MPP7: variants seen among roughly 807,000 people sequenced by gnomAD.
MPP7 encodes the protein MAGUK p55 subfamily member 7.
In MPP7, 60 loss-of-function variants were observed where a neutral mutation model predicts 76.5. The ratio of observed to expected loss-of-function variants is 0.78; its 90% CI spans 0.64 to 0.97. The LOEUF is 0.97. Ranked by LOEUF, MPP7 falls within the 50% of genes least tolerant of loss-of-function variation. The pLI, the probability that MPP7 is intolerant of heterozygous loss-of-function variation, is 0.00. For synonymous variants in MPP7, 237 were observed against 244.5 expected (o/e 0.97, Z 0.29); for missense variants, 641 against 694.0 (o/e 0.92, Z 0.86).
chr10:28,289,923 A>G (rs1428830537), intron 1 of MPP7, among the ~76,000 whole-genome samples: 13 of 152,172 alleles, frequency 8.5e-5, no homozygotes, highest in Non-Finnish European at 8.8e-5. Context: ...GGCTCAAGCA[A>G]TGCTCCCATC....
At chr10:28,304,788 T>C (rs1219460425), upstream of MPP7, among the ~76,000 whole-genome samples, 1 of 152,194 alleles carries the variant, frequency 6.6e-6, no homozygotes, top group African/African-American at 2.4e-5. Flanking sequence ...TAACATTCTT[T>C]CACTGGGATT....
intron 11 of MPP7, among the ~76,000 whole-genome samples, chr10:28,090,345 ATATT>A (rs1353592655): frequency 1.3e-5 from 2 of 152,230 alleles, no homozygotes; most frequent in African/African-American, 2.4e-5. Context: ...CTTAGATTTA[ATATT>A]TATTTATGTA....
At chr10:28,062,575 CA>C (rs1564611986) in intron 13 of MPP7, among the ~76,000 whole-genome samples, 59 of 128,838 alleles carry the variant, frequency 4.6e-4, no homozygotes, top group African/African-American at 1.8e-3. Context: ...CACACACACA[CA>C]CACACCAAAG....
At chr10:28,204,738 G>A (rs1192945036) in intron 2 of MPP7, among the ~76,000 whole-genome samples, 2 of 152,230 alleles carry the variant, frequency 1.3e-5, no homozygotes, top group African/African-American at 4.8e-5. Flanking sequence ...TCATATGGCA[G>A]CATTTAGCCC....
At chr10:28,071,093 T>C (rs1033878071) in intron 12 of MPP7, among the ~76,000 whole-genome samples, 1 of 152,212 alleles carries the variant, frequency 6.6e-6, no homozygotes, top group African/African-American at 2.4e-5. Flanking sequence ...TCTAAAAGTG[T>C]GCCTGTTCCT....
At chr10:28,194,178 C>T (rs531339662) in intron 3 of MPP7, among the ~76,000 whole-genome samples, 263 of 152,282 alleles carry the variant, frequency 1.7e-3, no homozygotes, top group Admixed American at 2.5e-3. Flanking sequence ...CCACACCTGG[C>T]TAGTTTTTTG....
At chr10:28,279,717 A>C (rs987708471) in intron 1 of MPP7, among the ~76,000 whole-genome samples, 1 of 151,926 alleles carries the variant, frequency 6.6e-6, no homozygotes, top group African/African-American at 2.4e-5. Context: ...AAAAAAAAAA[A>C]AAGAACTCCA....
chr10:28,238,935 T>C (rs1416049158), intron 1 of MPP7, among the ~76,000 whole-genome samples, 200 bp from the exon 2 acceptor site: 1 of 152,088 alleles, frequency 6.6e-6, no homozygotes, highest in Non-Finnish European at 1.5e-5. Context: ...AAAACATGAA[T>C]GTTCTGCATG....
chr10:28,334,945 T>C (rs908669444), upstream of MPP7, among the ~76,000 whole-genome samples: 5 of 152,190 alleles, frequency 3.3e-5, no homozygotes, highest in Admixed American at 1.3e-4. Flanking sequence ...TCAGTTTGTG[T>C]GGGTCAGAAA....
intron 2 of MPP7, among the ~76,000 whole-genome samples, chr10:28,318,822 C>G (rs1163016447): frequency 6.6e-6 from 1 of 152,216 alleles, no homozygotes; most frequent in Non-Finnish European, 1.5e-5. Context: ...ATTCAAATCT[C>G]ATACACCATC....
At chr10:28,080,066 G>A (rs1472550360) in intron 12 of MPP7, among the ~76,000 whole-genome samples, 1 of 145,466 alleles carries the variant, frequency 6.9e-6, no homozygotes. Flanking sequence ...ATTGGGAGGG[G>A]GAGGGGGAGG....
intron 5 of MPP7, among the ~76,000 whole-genome samples, chr10:28,142,684 T>C (rs1835560605): frequency 6.6e-6 from 1 of 152,184 alleles, no homozygotes; most frequent in Non-Finnish European, 1.5e-5. Context: ...TAAGCTGAGA[T>C]TGTGCCACTG....
chr10:28,276,605 AC>A (rs1247521340), intron 1 of MPP7, among the ~76,000 whole-genome samples: 2 of 152,096 alleles, frequency 1.3e-5, no homozygotes, highest in Non-Finnish European at 2.9e-5. Context: ...AACAGAAGAC[AC>A]TACAGATGAA....
chr10:28,294,477 A>T (rs780636929), intron 1 of MPP7, among the ~76,000 whole-genome samples: 1 of 152,208 alleles, frequency 6.6e-6, no homozygotes, highest in South Asian at 2.1e-4. Flanking sequence ...AGTCCAACAT[A>T]CGGTGATTAA....
chr10:28,216,759 T>C (rs988447467), intron 2 of MPP7, among the ~76,000 whole-genome samples: 1 of 152,174 alleles, frequency 6.6e-6, no homozygotes, highest in African/African-American at 2.4e-5. Flanking sequence ...TGCATTCAAA[T>C]TATTCGATCT....
chr10:28,210,802 A>G (rs1015176236), intron 2 of MPP7, among the ~76,000 whole-genome samples: 1 of 152,236 alleles, frequency 6.6e-6, no homozygotes, highest in Non-Finnish European at 1.5e-5. Context: ...TGCTTTCAGT[A>G]CAATATAAAT....
At chr10:28,288,291 G>C (rs1170936814) in intron 1 of MPP7, among the ~76,000 whole-genome samples, 1 of 152,180 alleles carries the variant, frequency 6.6e-6, no homozygotes, top group Non-Finnish European at 1.5e-5. Context: ...TCAGGCTGGA[G>C]TGCAGTGGTG....
chr10:28,113,110 A>G (rs1588789196), intron 11 of MPP7, among the ~76,000 whole-genome samples: 1 of 152,122 alleles, frequency 6.6e-6, no homozygotes, highest in East Asian at 1.9e-4. Context: ...GGACCATGCA[A>G]TTATGCTGCA....
At chr10:28,133,825 A>T (rs1451843441) in intron 5 of MPP7, among the ~76,000 whole-genome samples, 1 of 152,154 alleles carries the variant, frequency 6.6e-6, no homozygotes, top group African/African-American at 2.4e-5. Context: ...ATTACAAGTG[A>T]GTATTCATTT....
Sources: allele counts gnomAD v4.1 joint callset (sites outside exome capture counted in the v4.1 genomes callset), GRCh38; gene constraint gnomAD v4.1.1; transcripts MANE v1.5; gene names NCBI Gene and HGNC (gene_info 2026-07-23, HGNC 2026-07-21).